The following UBAC2 variants were observed in gnomAD, a reference collection of about 807,000 sequenced individuals.
The protein encoded by UBAC2 is UBA domain containing 2.
UBAC2 carries 26 observed loss-of-function variants against 44.0 expected under a neutral mutation model. The ratio of observed to expected loss-of-function variants is 0.59; its 90% CI spans 0.43 to 0.82. The LOEUF (loss-of-function observed/expected upper bound fraction) is 0.82. Ranked by LOEUF, UBAC2 falls within the 40% of genes least tolerant of loss-of-function variation. The pLI, the probability that UBAC2 is intolerant of heterozygous loss-of-function variation, is 0.00. For synonymous variants in UBAC2, 155 were observed against 154.3 expected, an observed-to-expected ratio of 1.00 and a Z score of -0.04; for missense variants, 329 against 419.4, an observed-to-expected ratio of 0.78 and a Z score of 1.88.
chr13:99,236,602 A>G (rs2043235424), intron 1 of UBAC2, among the ~76,000 whole-genome samples: 1 of 152,106 alleles, frequency 6.6e-6, no homozygotes, highest in Admixed American at 6.5e-5. Flanking sequence ...CTGTAATCCT[A>G]GTACTTTGGG....
rs536855438 is a variant in UBAC2 at position 99,340,563 on chromosome 13, C to T, written c.805C>T (p.Gln269Ter). 8.1e-6 allele frequency: 13 copies of T among 1,609,844 alleles called. No individual in the cohort carries two copies. The East Asian group carries it at 1.3e-4, about 17-fold the overall frequency. The change falls in exon 7 of 9, where the codon CAG (glutamine) becomes TAG (stop). Residue 269 changes from glutamine to a stop codon, truncating the protein, a stop_gained and splice_region_variant. Transcript: ENST00000403766. LOFTEE classifies it high-confidence loss of function. ...ACAAGGGAGGCGACAGAGACAGCAG[C>T]AGGTAAAAGTGATAATAATCACTAA... ...FAQGRRQRQQ[Q>*]GGMINWNRLF...
Position 99,366,147 on chromosome 13 carries a change from A to G in UBAC2, c.808-1640A>G, listed in dbSNP as rs918192917. Among the ~76,000 whole-genome samples the G allele has an allele frequency of 4.0e-5, 6 of 151,098 alleles. No homozygotes were observed. In the South Asian group the frequency reaches 6.3e-4, roughly 16 times the overall value. On this transcript the variant is annotated intron_variant, in intron 7 of 8. Transcript: ENST00000403766. ...GGTGAGAGTGGCTTCTGTTTCCCTA[A>G]TTTTTTTTCACATCTGTTTTTTCTC...
chr13:99,345,067 G>T (rs2044953424), intron 7 of UBAC2, among the ~76,000 whole-genome samples: 2 of 152,166 alleles, frequency 1.3e-5, no homozygotes, highest in South Asian at 4.1e-4. Context: ...GTGGAATTTG[G>T]ATGGGTGGAG....
In UBAC2 at chr13:99,385,686, A is replaced by G. The variant is rs1182206282; in HGVS notation, c.*351A>G. ...GAATTGCTGTAACCCTCTTACTGTA[A>G]CATGTCATCTCCTGCGTCGTGATGG... On this transcript the variant is annotated 3_prime_UTR_variant, in exon 9 of 9. Transcript: ENST00000403766. 4.2e-6 allele frequency: 1 copy of G among 240,694 alleles called. No homozygotes were observed. Among genetic ancestry groups the G allele is most frequent in the East Asian group, 8.5e-5 (1 of 11,738 alleles). The allele number at this position is 240,694 out of a possible 1,614,324, so 14.9% of individuals were successfully genotyped here.
chr13:99,333,789 G>T (rs1473462922), intron 6 of UBAC2, among the ~76,000 whole-genome samples: 2 of 152,174 alleles, frequency 1.3e-5, no homozygotes, highest in Non-Finnish European at 2.9e-5. Flanking sequence ...GGCAGGGAAG[G>T]CATGGACAGG....
intron 8 of UBAC2, among the ~76,000 whole-genome samples, chr13:99,375,342 G>T (rs2045465711): frequency 6.6e-6 from 1 of 151,990 alleles, no homozygotes; most frequent in Non-Finnish European, 1.5e-5. Context: ...GGGGGGTGGG[G>T]GCTGCACTGC....
At position 99,262,710 on chromosome 13, in the gene UBAC2, C is replaced by CAAAAAAAAAA. The variant is rs61627160; in HGVS notation, c.389+18107_389+18116dup. Among the ~76,000 whole-genome samples the CAAAAAAAAAA allele has an allele frequency of 6.2e-3, 356 of 57,156 alleles. 40 individuals are homozygous for CAAAAAAAAAA. The highest frequency in any genetic ancestry group is 9.0e-3 in the Non-Finnish European group (286 of 31,754). 37.5% of individuals were successfully genotyped at this position (57,156 alleles called of 152,430 possible). The stretch of plus-strand genomic sequence containing the variant: ...TGGGCAACAGAGCAGAACTCCCTCT[C>CAAAAAAAAAA]AAAAAAAAAAAAAAAAAAAAAAAAA... On this transcript the variant is annotated intron_variant, in intron 4 of 8. Coordinates refer to ENST00000403766, the MANE Select transcript of UBAC2 (RefSeq NM_001144072.2).
At chr13:99,371,267 C>T (rs540306959) in intron 8 of UBAC2, among the ~76,000 whole-genome samples, 5 of 152,122 alleles carry the variant, frequency 3.3e-5, no homozygotes, top group South Asian at 2.1e-4. Flanking sequence ...TTCCTCGCTC[C>T]GTGTTACGAG....
intron 8 of UBAC2, among the ~76,000 whole-genome samples, chr13:99,373,168 ATTGTTTT>A (rs1333158488): frequency 4.8e-5 from 4 of 83,336 alleles, no homozygotes; most frequent in Admixed American, 1.3e-4. Flanking sequence ...TCTCTTTTTT[ATTGTTTT>A]TTTTTTTTTT....
At chr13:99,324,834 A>G (rs1037190433) in intron 6 of UBAC2, among the ~76,000 whole-genome samples, 1 of 152,162 alleles carries the variant, frequency 6.6e-6, no homozygotes, top group Non-Finnish European at 1.5e-5. Flanking sequence ...CAAGTAGGGG[A>G]AATGACTGAT....
At chr13:99,342,429 G>A (rs1269267123) in intron 7 of UBAC2, among the ~76,000 whole-genome samples, 1 of 152,162 alleles carries the variant, frequency 6.6e-6, no homozygotes, top group Non-Finnish European at 1.5e-5. Flanking sequence ...GAGTGGAAAG[G>A]GCCCAGCATA....
At chr13:99,356,333 C>T (rs916330475) in intron 7 of UBAC2, 9 of 401,988 alleles carry the variant, frequency 2.2e-5, no homozygotes, top group African/African-American at 1.8e-4. Context: ...TTTGGGACTC[C>T]AGCCGACTAG....
intron 1 of UBAC2, among the ~76,000 whole-genome samples, chr13:99,212,354 A>T (rs146907202): frequency 1.1e-3 from 172 of 152,366 alleles, no homozygotes; most frequent in African/African-American, 3.7e-3. Flanking sequence ...ATTATAAAGT[A>T]ATCCTTATTT....
At chr13:99,317,067 C>T (rs980504834) in intron 5 of UBAC2, among the ~76,000 whole-genome samples, 6 of 152,240 alleles carry the variant, frequency 3.9e-5, no homozygotes, top group African/African-American at 1.4e-4. Context: ...GTGCTCATTT[C>T]TAACTGAGCC....
rs78183359 is a variant in UBAC2, at chr13:99,222,294, G to T, written c.32-16133G>T. Among the ~76,000 whole-genome samples the T allele has an allele frequency of 4.1e-4, 62 of 152,352 alleles. No individual in the cohort carries two copies. The East Asian group carries it at 0.011, about 26-fold the overall frequency. On this transcript the variant is annotated intron_variant, in intron 1 of 8. Transcript: ENST00000403766. ...CGATGGAAGGCCACTCTGAGGAGGT[G>T]CTCTTAGAAATGAGGACTCAATGGT...
chr13:99,283,692 TCCTTAATG>T (rs967026506), intron 4 of UBAC2, among the ~76,000 whole-genome samples: 4 of 146,822 alleles, frequency 2.7e-5, no homozygotes, highest in Non-Finnish European at 6.0e-5. Context: ...CTCAGACATT[TCCTTAATG>T]CCTTAATGCC....
intron 4 of UBAC2, among the ~76,000 whole-genome samples, chr13:99,292,302 ATTT>A (rs11443091): frequency 6.9e-6 from 1 of 144,560 alleles, no homozygotes. Flanking sequence ...CGCCCAGCTA[ATTT>A]TTTTTTTTTT....
intron 6 of UBAC2, among the ~76,000 whole-genome samples, chr13:99,338,071 T>TTTTTTTTTTTTTTTTTTTTTA (rs1555330450): frequency 3.8e-5 from 4 of 105,076 alleles, no homozygotes; most frequent in Non-Finnish European, 7.6e-5. Flanking sequence ...TTTTTTTTTT[T>TTTTTTTTTTTTTTTTTTTTTA]TTTTGAGACA....
chr13:99,309,231 C>T (rs2044380039), intron 4 of UBAC2, among the ~76,000 whole-genome samples: 2 of 152,008 alleles, frequency 1.3e-5, no homozygotes, highest in Middle Eastern at 3.4e-3. Flanking sequence ...CTGCCTCAGC[C>T]TCCCGAGTAG....
Sources: gnomAD v4.1 joint callset for allele counts (sites outside exome capture counted in the v4.1 genomes callset) on GRCh38, gnomAD v4.1.1 for gene constraint, MANE v1.5 for transcripts, NCBI Gene and HGNC (gene_info 2026-07-23, HGNC 2026-07-21) for gene names.